FER1L5: variants seen among roughly 807,000 people sequenced by gnomAD.
FER1L5 encodes the protein fer-1 like family member 5.
FER1L5 carries 187 observed loss-of-function variants against 279.9 expected under a neutral mutation model. That is an observed-to-expected ratio of 0.67 (90% CI 0.59 to 0.75). The LOEUF (loss-of-function observed/expected upper bound fraction) is 0.75, where lower values mean the gene tolerates loss of function less well. Among genes scored for constraint, FER1L5 ranks in the 30% least tolerant of loss-of-function variants. FER1L5 has a pLI of 0.00. For missense variants in FER1L5, 2,091 were observed against 2,594.4 expected, an observed-to-expected ratio of 0.81 and a Z score of 4.21; for synonymous variants, 921 against 989.7, an observed-to-expected ratio of 0.93 and a Z score of 1.30.
rs1324104722 is a variant in FER1L5 at position 96,689,859 on chromosome 2, T to A, written c.2640+101T>A. On this transcript the variant is annotated intron_variant, in intron 26 of 52. Coordinates refer to ENST00000624922, the MANE Select transcript of FER1L5 (RefSeq NM_001293083.2). The surrounding 1 kb of genome is among the most constrained non-coding windows in gnomAD (Gnocchi z 4.6). ...CCCAGTGGAAAGGGTCTGAGCCCTA[T>A]GCCCTGCACTATGTGTGGGGCCCCG... 1 of 1,022,234 alleles carries A rather than the reference T, an allele frequency of 9.8e-7. No individual in the cohort carries two copies. Among genetic ancestry groups the A allele is most frequent in the African/African-American group, 1.6e-5 (1 of 61,214 alleles). The allele number at this position is 1,022,234 out of a possible 1,614,324, so 63.3% of individuals were successfully genotyped here.
intron 45 of FER1L5, among the ~76,000 whole-genome samples, chr2:96,701,273 G>T (rs1317463782): frequency 6.6e-6 from 1 of 152,216 alleles, no homozygotes; most frequent in Non-Finnish European, 1.5e-5. Context: ...TCATGCCACT[G>T]CACTGCAGCC....
intron 34 of FER1L5, chr2:96,695,290 G>A: frequency 2.1e-5 from 12 of 581,570 alleles, no homozygotes; most frequent in Non-Finnish European, 3.1e-5. Flanking sequence ...CATGGGTTGG[G>A]GGACAGCGTC....
At position 96,686,126 on chromosome 2, in the gene FER1L5, T is replaced by G; in HGVS notation, c.2073+9T>G. 6.5e-7 allele frequency: 1 copy of G among 1,549,240 alleles called. No individual in the cohort carries two copies. The highest frequency in any genetic ancestry group is 8.7e-7 in the Non-Finnish European group (1 of 1,145,406). ...ACACCGTGCTCCCTGAGGTGGGTGC[T>G]GCACACACTGGCCTGCAGCAGGGCT... On this transcript the variant is annotated intron_variant, in intron 22 of 52. Transcript: ENST00000624922.
chr2:96,689,622 C>A lies in FER1L5; in HGVS notation c.2526-22C>A, dbSNP rs1384340280. The A allele has an allele frequency of 1.3e-6, 2 of 1,546,092 alleles. No individual in the cohort carries two copies. Among genetic ancestry groups the A allele is most frequent in the South Asian group, 2.4e-5 (2 of 83,938 alleles). On this transcript the variant is annotated intron_variant, in intron 25 of 52. Coordinates refer to ENST00000624922, the MANE Select transcript of FER1L5 (RefSeq NM_001293083.2). The surrounding 1 kb of genome is among the most constrained non-coding windows in gnomAD (Gnocchi z 4.6). The stretch of plus-strand genomic sequence containing the variant: ...GCTGCTTGGGGAGTTGTGCTGGGAA[C>A]TTGGGGTCTCATTACCCCCAGGCTC...
Position 96,692,110 on chromosome 2 carries a change from A to G in FER1L5, c.3221A>G (p.His1074Arg). The G allele has an allele frequency of 6.4e-7, 1 of 1,550,752 alleles. No individual in the cohort carries two copies. The highest frequency in any genetic ancestry group is 8.7e-7 in the Non-Finnish European group (1 of 1,146,796). The change falls in exon 31 of 53, where the codon CAC (histidine) becomes CGC (arginine). Residue 1074 changes from histidine (H) to arginine (R), a missense_variant. Coordinates refer to ENST00000624922, the MANE Select transcript of FER1L5 (RefSeq NM_001293083.2). ...ATGGCTTCTCTTTCCCCAGAGCCCC[A>G]CTACTACCAGCTCTTCTGCTACATC... is the stretch of plus-strand genomic sequence containing the variant. ...PFIYCTFNKP[H>R]YYQLFCYIYQ...
chr2:96,690,703 G>A, intron 27 of FER1L5, 114 bp downstream of exon 27: 1 of 943,316 alleles, frequency 1.1e-6, no homozygotes, highest in African/African-American at 1.6e-5. Flanking sequence ...CTAAATTCCT[G>A]GGGCCCCCTG....
chr2:96,675,769 C>T (rs2076488833), intron 19 of FER1L5, among the ~76,000 whole-genome samples: 1 of 152,038 alleles, frequency 6.6e-6, no homozygotes, highest in African/African-American at 2.4e-5. Context: ...CACCATGTGG[C>T]CCAGGCTAGC....
At chr2:96,665,393 A>C (rs1022132143) in intron 14 of FER1L5, among the ~76,000 whole-genome samples, 2 of 152,034 alleles carry the variant, frequency 1.3e-5, no homozygotes, top group African/African-American at 4.8e-5. Flanking sequence ...ACCATTCCTC[A>C]TAATCCCTGC....
At position 96,698,244 on chromosome 2, in the gene FER1L5, T is replaced by C; in HGVS notation, c.4356+88T>C. The C allele has an allele frequency of 6.8e-7, 1 of 1,470,206 alleles. No homozygotes were observed. Among genetic ancestry groups the C allele is most frequent in the Non-Finnish European group, 9.1e-7 (1 of 1,101,900 alleles). 91.1% of individuals were successfully genotyped at this position (1,470,206 alleles called of 1,614,324 possible). A position where few individuals can be genotyped will look rare whatever the true frequency, so the allele number is the denominator to read the frequency against. On this transcript the variant is annotated intron_variant, in intron 40 of 52. Transcript: ENST00000624922. This position sits in a 1 kb window ranked among gnomAD's most constrained non-coding sequence, Gnocchi z 5.5. The stretch of plus-strand genomic sequence containing the variant: ...GAATAAAAGCCCTGGCTCTATATGC[T>C]CATTGTGAAGATGGAGCAGGGCTTG...
Position 96,698,044 on chromosome 2 carries a change from A to G in FER1L5, c.4244A>G (p.Glu1415Gly). 6.4e-7 allele frequency: 1 copy of G among 1,572,442 alleles called. No individual in the cohort carries two copies. The highest frequency in any genetic ancestry group is 8.6e-7 in the Non-Finnish European group (1 of 1,158,922). Residue 1415 changes from glutamate (E) to glycine (G), a missense_variant, in exon 40 of 53, where the codon GAG becomes GGG. By Grantham distance (98) the Glu-to-Gly change is moderately conservative. Transcript: ENST00000624922. The surrounding 1 kb of genome is among the most constrained non-coding windows in gnomAD (Gnocchi z 5.5). ...TTCCACACACCTCTGCAGGTGTATG[A>G]GTGTGAGCTGGAGGCCGTGCCAGCC... ...YKDYHTLKVYECELEAVPAFQ... is the reference protein window; with the variant it reads ...YKDYHTLKVYGCELEAVPAFQ...
chr2:96,672,616 G>A (rs1282428576), intron 18 of FER1L5, among the ~76,000 whole-genome samples: 1 of 152,084 alleles, frequency 6.6e-6, no homozygotes, highest in African/African-American at 2.4e-5. Flanking sequence ...ATAGTGGGCA[G>A]CTGGAGCAGG....
At position 96,701,979 on chromosome 2, in the gene FER1L5, A is replaced by G; in HGVS notation, c.5095A>G (p.Ile1699Val). 1 of 1,613,996 alleles carries G rather than the reference A, an allele frequency of 6.2e-7. No homozygotes were observed. The change falls in exon 46 of 53, where the codon ATC (isoleucine) becomes GTC (valine). Residue 1699 changes from isoleucine to valine, a missense_variant. Physicochemically the swap from Ile to Val is conservative, Grantham distance 29. Coordinates refer to ENST00000624922, the MANE Select transcript of FER1L5 (RefSeq NM_001293083.2). The part of the protein sequence containing the change: ...DQGKVQMWVD[I>V]FPKKLGPPGP... ...GGGAAAGGTGCAAATGTGGGTGGAC[A>G]TCTTCCCCAAGAAGCTGGGGCCTCC... is the stretch of plus-strand genomic sequence containing the variant.
intron 20 of FER1L5, among the ~76,000 whole-genome samples, chr2:96,685,115 T>C (rs921830107): frequency 2.0e-5 from 3 of 152,214 alleles, no homozygotes; most frequent in Non-Finnish European, 2.9e-5. Flanking sequence ...CATCCCGGCT[T>C]CTTGCCACCT....
chr2:96,650,978 C>T (rs1176743804), intron 6 of FER1L5, among the ~76,000 whole-genome samples: 1 of 152,208 alleles, frequency 6.6e-6, no homozygotes, highest in African/African-American at 2.4e-5. Context: ...TTCTCCTGAA[C>T]CCCCCAGCCT....
intron 18 of FER1L5, among the ~76,000 whole-genome samples, chr2:96,670,828 G>A (rs999252296): frequency 5.9e-5 from 9 of 151,530 alleles, no homozygotes; most frequent in Admixed American, 3.9e-4. Flanking sequence ...ATCTGTGCCG[G>A]GCACGATGAC....
chr2:96,646,464 G>A lies in FER1L5; in HGVS notation c.138+11G>A. On this transcript the variant is annotated intron_variant, in intron 2 of 52. Coordinates refer to ENST00000624922, the MANE Select transcript of FER1L5 (RefSeq NM_001293083.2). ...CCCGTGTGGAATGAGGTAGACAACA[G>A]GGCAAGCCCAGAAGAGGAAATAACA... The A allele has an allele frequency of 6.4e-7, 1 of 1,551,704 alleles. No individual in the cohort carries two copies. The highest frequency in any genetic ancestry group is 8.7e-7 in the Non-Finnish European group (1 of 1,146,900).
chr2:96,680,304 A>G (rs2076671607), intron 19 of FER1L5, among the ~76,000 whole-genome samples: 1 of 151,910 alleles, frequency 6.6e-6, no homozygotes, highest in African/African-American at 2.4e-5. Flanking sequence ...TTATCATTCC[A>G]GTCTTTCACT....
rs1468006992 is a variant in FER1L5 at position 96,689,532 on chromosome 2, C to G, written c.2526-112C>G. The G allele has an allele frequency of 4.9e-6, 7 of 1,428,878 alleles. No individual in the cohort carries two copies. Among genetic ancestry groups the G allele is most frequent in the Non-Finnish European group, 6.7e-6 (7 of 1,039,102 alleles). 88.5% of individuals were successfully genotyped at this position (1,428,878 alleles called of 1,614,324 possible). On this transcript the variant is annotated intron_variant, in intron 25 of 52. Coordinates refer to ENST00000624922, the MANE Select transcript of FER1L5 (RefSeq NM_001293083.2). This position sits in a 1 kb window ranked among gnomAD's most constrained non-coding sequence, Gnocchi z 4.6. The stretch of plus-strand genomic sequence containing the variant: ...GGCCCTGCCCACCACCCTGTCCTGC[C>G]CAGAGCAGGTGGGGATGGGATGCCA...
chr2:96,670,151 T>C lies in FER1L5; in HGVS notation c.1395T>C (p.Ala465=). ...CIPDSVRDGL[A]YRGRVFLELI... Reference sequence around the variant, plus strand: ...CCGACTCTGTTAGGGATGGTTTAGCTTATCGAGGCCGAGTCTTCCTGGAGT... The same window carrying C: ...CCGACTCTGTTAGGGATGGTTTAGCCTATCGAGGCCGAGTCTTCCTGGAGT... The change falls in exon 18 of 53, where the codon GCT becomes GCC. Residue 465 remains alanine (A), a synonymous_variant. Transcript: ENST00000624922. 6.4e-7 allele frequency: 1 copy of C among 1,551,680 alleles called. No homozygotes were observed. Among genetic ancestry groups the C allele is most frequent in the Non-Finnish European group, 8.7e-7 (1 of 1,146,986 alleles).
Sources: allele counts gnomAD v4.1 joint callset (sites outside exome capture counted in the v4.1 genomes callset), GRCh38; gene constraint gnomAD v4.1.1; non-coding constraint Gnocchi (gnomAD v3.1); transcripts MANE v1.5; gene names NCBI Gene and HGNC (gene_info 2026-07-23, HGNC 2026-07-21).